Variants in CLVS1 observed in about 807,000 individuals in gnomAD.
CLVS1 encodes the protein clavesin-1.
In CLVS1, 10 loss-of-function variants were observed where a neutral mutation model predicts 33.1. The ratio of observed to expected loss-of-function variants is 0.30; its 90% CI spans 0.19 to 0.51. CLVS1 has a LOEUF of 0.51. Among genes scored for constraint, CLVS1 ranks in the 20% least tolerant of loss-of-function variants. The probability of loss-of-function intolerance (pLI) is 0.97; values close to 1 mark genes in which losing one functional copy is unlikely to be tolerated. For synonymous variants in CLVS1, 163 were observed against 166.1 expected (o/e 0.98, Z 0.14); for missense variants, 343 against 433.4 (o/e 0.79, Z 1.85).
chr8:61,064,798 T>G (rs757644083), intron 1 of CLVS1, among the ~76,000 whole-genome samples: 23 of 151,754 alleles, frequency 1.5e-4, no homozygotes, highest in Non-Finnish European at 3.2e-4. Context: ...GCCTCCCGGG[T>G]TCACACCATT....
chr8:61,057,813 CT>C (rs1319190898), intron 1 of CLVS1, among the ~76,000 whole-genome samples: 6 of 152,166 alleles, frequency 3.9e-5, no homozygotes, highest in Non-Finnish European at 8.8e-5. Flanking sequence ...CTCTAGAGTT[CT>C]TTTATGATGC....
chr8:61,381,202 C>A (rs1813865136), intron 3 of CLVS1, among the ~76,000 whole-genome samples: 1 of 151,140 alleles, frequency 6.6e-6, no homozygotes, highest in South Asian at 2.1e-4. Flanking sequence ...TTTATATCAA[C>A]TTTGATTCAA....
intron 5 of CLVS1, among the ~76,000 whole-genome samples, chr8:61,497,242 A>G (rs1468181879): frequency 6.6e-6 from 1 of 152,184 alleles, no homozygotes; most frequent in African/African-American, 2.4e-5. Context: ...TTTACTACAG[A>G]AAAGGATATA....
At chr8:61,047,862 C>T in the CLVS1 span, among the ~76,000 whole-genome samples, 6 of 152,066 alleles carry the variant, frequency 3.9e-5, no homozygotes, top group Non-Finnish European at 8.8e-5. Flanking sequence ...TTAATGGGTG[C>T]AGCACACCAG....
the CLVS1 span, among the ~76,000 whole-genome samples, chr8:61,013,776 A>G: frequency 1.2e-4 from 19 of 152,208 alleles, no homozygotes; most frequent in Admixed American, 1.2e-3. Flanking sequence ...GGAAAAAGTA[A>G]GAATATATTC....
intron 2 of CLVS1, among the ~76,000 whole-genome samples, chr8:61,200,332 G>T (rs1379266420): frequency 2.0e-5 from 3 of 152,154 alleles, no homozygotes; most frequent in African/African-American, 7.2e-5. Flanking sequence ...TGTTTGCCAG[G>T]CTGGTGTCAA....
intron 2 of CLVS1, among the ~76,000 whole-genome samples, chr8:61,200,324 T>A (rs1045981585): frequency 6.6e-6 from 1 of 152,194 alleles, no homozygotes; most frequent in Non-Finnish European, 1.5e-5. Flanking sequence ...TTTCACCATG[T>A]TTGCCAGGCT....
intron 4 of CLVS1, 82 bp from the exon 5 acceptor site, chr8:61,458,224 AT>A (rs1337945123): frequency 1.7e-5 from 17 of 1,009,146 alleles, no homozygotes; most frequent in Non-Finnish European, 2.1e-5. Context: ...CCAATTTGTC[AT>A]GGCTAAATTG....
chr8:61,189,718 C>A (rs1807426184), intron 2 of CLVS1, among the ~76,000 whole-genome samples: 1 of 152,144 alleles, frequency 6.6e-6, no homozygotes, highest in African/African-American at 2.4e-5. Flanking sequence ...GCAGGGGTTG[C>A]AATCCTAGTC....
chr8:61,260,224 C>T (rs1047842746), intron 2 of CLVS1, among the ~76,000 whole-genome samples: 2 of 152,136 alleles, frequency 1.3e-5, no homozygotes, highest in Non-Finnish European at 2.9e-5. Flanking sequence ...CATTCTCTTC[C>T]TTTTTTAAAC....
the CLVS1 span, among the ~76,000 whole-genome samples, chr8:60,999,339 G>T: frequency 6.6e-6 from 1 of 152,198 alleles, no homozygotes; most frequent in Non-Finnish European, 1.5e-5. Flanking sequence ...TGACAGGCCA[G>T]AAATCAGAAT....
At chr8:61,313,082 G>A (rs897050182) in intron 2 of CLVS1, among the ~76,000 whole-genome samples, 2 of 152,052 alleles carry the variant, frequency 1.3e-5, no homozygotes, top group African/African-American at 2.4e-5. Flanking sequence ...CCACCTTCGC[G>A]TATACAGTTC....
At chr8:61,015,825 C>T in the CLVS1 span, among the ~76,000 whole-genome samples, 2 of 152,122 alleles carry the variant, frequency 1.3e-5, no homozygotes, top group South Asian at 2.1e-4. Flanking sequence ...GGCTTCCAAC[C>T]GGCCTTCCAC....
chr8:61,042,727 ATTAC>A, the CLVS1 span, among the ~76,000 whole-genome samples: 1 of 152,198 alleles, frequency 6.6e-6, no homozygotes, highest in South Asian at 2.1e-4. Context: ...ATTATAGGTT[ATTAC>A]TTTATAAATA....
the CLVS1 span, among the ~76,000 whole-genome samples, chr8:60,977,345 C>G: frequency 6.6e-5 from 10 of 152,002 alleles, no homozygotes; most frequent in African/African-American, 2.4e-4. Flanking sequence ...AGAAATCATC[C>G]CTGAGGAATC....
At chr8:61,418,229 C>A (rs1278953088) in intron 3 of CLVS1, among the ~76,000 whole-genome samples, 2 of 152,094 alleles carry the variant, frequency 1.3e-5, no homozygotes, top group African/African-American at 4.8e-5. Flanking sequence ...TAGAGTCAGG[C>A]ATGTTGGTGT....
chr8:61,206,830 A>C (rs1026212284), intron 2 of CLVS1, among the ~76,000 whole-genome samples: 3 of 151,610 alleles, frequency 2.0e-5, no homozygotes, highest in African/African-American at 7.3e-5. Flanking sequence ...CTTGTGATCC[A>C]CCCGCCTCGG....
rs144784882 is a variant in CLVS1, at chr8:61,145,917, A to G, written c.-152+14057A>G. ...GTTCTGGGTGAGGAAACGGAGGCAC[A>G]GAAAGATTAAGTAATCAGAGGAAAT... On this transcript the variant is annotated intron_variant, in intron 2 of 2. Coordinates refer to the CLVS1 transcript ENST00000522621. 4.2e-3 allele frequency among the ~76,000 whole-genome samples: 639 copies of G among 152,366 alleles called. 4 individuals carry two copies. Among genetic ancestry groups the G allele is most frequent in the African/African-American group, 0.014 (593 of 41,592 alleles).
At chr8:61,018,116 T>G in the CLVS1 span, among the ~76,000 whole-genome samples, 12 of 152,150 alleles carry the variant, frequency 7.9e-5, no homozygotes, top group African/African-American at 2.9e-4. Flanking sequence ...TCTCACATCA[T>G]TGGCAAGAAT....
Sources: gnomAD v4.1 joint callset for allele counts (sites outside exome capture counted in the v4.1 genomes callset) on GRCh38, gnomAD v4.1.1 for gene constraint, MANE v1.5 for transcripts, NCBI Gene and HGNC (gene_info 2026-07-23, HGNC 2026-07-21) for gene names.